Variants in STAG3 observed in about 807,000 individuals in gnomAD.
STAG3 encodes cohesin subunit SA-3.
A neutral mutation model predicts 160.7 loss-of-function variants in STAG3; 101 were observed. That is an observed-to-expected ratio of 0.63 (90% CI 0.54 to 0.74). The LOEUF (loss-of-function observed/expected upper bound fraction) is 0.74, where lower values mean the gene tolerates loss of function less well. Among genes scored for constraint, STAG3 ranks in the 30% least tolerant of loss-of-function variants. The pLI, the probability that STAG3 is intolerant of heterozygous loss-of-function variation, is 0.00. For synonymous variants in STAG3, 519 were observed against 585.0 expected (o/e 0.89, Z 1.63); for missense variants, 1,188 against 1,517.4 (o/e 0.78, Z 3.61).
rs1481125983 is a variant in STAG3, at chr7:100,195,341, G to A, written c.900G>A (p.Met300Ile). 3 of 1,614,070 alleles carry A rather than the reference G, an allele frequency of 1.9e-6. No homozygotes were observed. Among genetic ancestry groups the A allele is most frequent in the African/African-American group, 2.7e-5 (2 of 74,924 alleles). The change falls in exon 9 of 34, where the codon ATG becomes ATA. Residue 300 changes from methionine (M) to isoleucine (I), a missense_variant. Transcript: ENST00000615138. ...AGCATCAAGAGGAGATTGAGGGGAT[G>A]ATGAATGCCCTCTTCAGGGGTGTCT... ...LQEHQEEIEG[M>I]MNALFRGVFV...
intron 29 of STAG3, among the ~76,000 whole-genome samples, chr7:100,209,022 C>T (rs994324115): frequency 2.6e-5 from 4 of 152,078 alleles, no homozygotes; most frequent in Non-Finnish European, 4.4e-5. Flanking sequence ...GCGCCACCAC[C>T]GAGGAAACCA....
intron 5 of STAG3, among the ~76,000 whole-genome samples, chr7:100,187,661 G>T (rs1488758601): frequency 6.6e-6 from 1 of 152,156 alleles, no homozygotes; most frequent in African/African-American, 2.4e-5. Context: ...GGCAGTGTAG[G>T]CAAGTCGGCT....
chr7:100,213,179 G>C (rs1322840541), intron 32 of STAG3: 10 of 377,306 alleles, frequency 2.7e-5, no homozygotes, highest in Non-Finnish European at 3.3e-5. Context: ...GGCTTAGAAG[G>C]GCATTCATCC....
intron 8 of STAG3, 129 bp from the exon 9 acceptor site, chr7:100,195,180 G>A (rs1800603297): frequency 1.3e-6 from 1 of 789,988 alleles, no homozygotes; most frequent in Non-Finnish European, 2.2e-6. Context: ...AGAGAGCATA[G>A]GATTACGGGG....
intron 9 of STAG3, among the ~76,000 whole-genome samples, 188 bp downstream of exon 9, chr7:100,195,570 G>A (rs1186221760): frequency 6.6e-6 from 1 of 152,170 alleles, no homozygotes; most frequent in African/African-American, 2.4e-5. Flanking sequence ...CACCTACAAA[G>A]GATCTTGTAA....
At chr7:100,198,215 C>T in intron 12 of STAG3, 49 bp downstream of exon 12, 1 of 1,556,634 alleles carries the variant, frequency 6.4e-7, no homozygotes, top group Non-Finnish European at 8.9e-7. Flanking sequence ...TTTGCCCTTC[C>T]AGGGTCATCT....
rs896258124 is a variant in STAG3 at position 100,207,928 on chromosome 7, A to G, written c.3238+2544A>G. ...TCAGGAGATTGAGACCATCCTGGCT[A>G]ACACGGTGAAACCCCGTCTCTACTA... On this transcript the variant is annotated intron_variant, in intron 29 of 33. Coordinates refer to ENST00000615138, the MANE Select transcript of STAG3 (RefSeq NM_001282717.2). The surrounding 1 kb of genome is among the most constrained non-coding windows in gnomAD (Gnocchi z 4.0). Among the ~76,000 whole-genome samples the G allele has an allele frequency of 6.6e-6, 1 of 152,080 alleles. No homozygotes were observed. The highest frequency in any genetic ancestry group is 2.4e-5 in the African/African-American group (1 of 41,418).
rs148851665 is a variant in STAG3, at chr7:100,203,190, T to C, written c.2700+600T>C. On this transcript the variant is annotated intron_variant, in intron 25 of 33. Coordinates refer to ENST00000615138, the MANE Select transcript of STAG3 (RefSeq NM_001282717.2). ...GTGTTTATTTCTTTTCTTTTCTTTT[T>C]TTTTTTTTTTCCTGAGACAGATTCT... 5.2e-3 allele frequency among the ~76,000 whole-genome samples: 785 copies of C among 151,568 alleles called. 7 individuals are homozygous for C. Among genetic ancestry groups the C allele is most frequent in the African/African-American group, 0.016 (655 of 41,432 alleles).
Position 100,198,465 on chromosome 7 carries a change from C to T in STAG3, c.1245-10C>T. On this transcript the variant is annotated splice_polypyrimidine_tract_variant and intron_variant, in intron 12 of 33. Transcript: ENST00000615138. ...CTATTCACATACTCTTTCTGCTTTT[C>T]TGTGGGCAGGAACATGGAAGGGGTG... 1 of 1,614,022 alleles carries T rather than the reference C, an allele frequency of 6.2e-7. No individual in the cohort carries two copies. The highest frequency in any genetic ancestry group is 2.2e-5 in the East Asian group (1 of 44,884).
At chr7:100,182,573 TC>T in intron 3 of STAG3, 149 bp from the exon 4 acceptor site, 1 of 816,620 alleles carries the variant, frequency 1.2e-6, no homozygotes, top group Non-Finnish European at 2.0e-6. Context: ...AATATAAAAA[TC>T]AATTATTTCA....
intron 9 of STAG3, among the ~76,000 whole-genome samples, chr7:100,196,322 C>T (rs1306561468): frequency 6.6e-6 from 1 of 151,514 alleles, no homozygotes; most frequent in Non-Finnish European, 1.5e-5. Flanking sequence ...ACTGTGTTGC[C>T]CAGGCTGGAG....
At chr7:100,180,412 C>G in intron 1 of STAG3, 81 bp from the exon 2 acceptor site, 1 of 648,406 alleles carries the variant, frequency 1.5e-6, no homozygotes, top group Non-Finnish European at 2.8e-6. Context: ...TAGAACCATT[C>G]CCTTGGAAAG....
chr7:100,202,674 G>T (rs953402924), intron 25 of STAG3, 84 bp downstream of exon 25: 2 of 1,518,230 alleles, frequency 1.3e-6, no homozygotes, highest in African/African-American at 1.4e-5. Context: ...CACTACAGGT[G>T]GGGGATATCC....
In STAG3 at chr7:100,178,639, T is replaced by C. The variant is rs76965536; in HGVS notation, c.-65+634T>C. Among the ~76,000 whole-genome samples, 65 of 150,532 alleles carry C rather than the reference T, an allele frequency of 4.3e-4. 1 individual carries two copies. The East Asian group carries it at 0.013, about 30-fold the overall frequency. On this transcript the variant is annotated intron_variant, in intron 1 of 33. Coordinates refer to ENST00000615138, the MANE Select transcript of STAG3 (RefSeq NM_001282717.2). Reference sequence around the variant, plus strand: ...CAGGGCGTTGCTATGTGGCCCAGGCTGATCTTGAATTCCTGGACCCAAGCG... The same window carrying C: ...CAGGGCGTTGCTATGTGGCCCAGGCCGATCTTGAATTCCTGGACCCAAGCG...
chr7:100,208,324 C>T (rs1282853674), intron 29 of STAG3, among the ~76,000 whole-genome samples: 1 of 152,022 alleles, frequency 6.6e-6, no homozygotes, highest in Non-Finnish European at 1.5e-5. Flanking sequence ...ATGAAAGATA[C>T]TATGTTCAGT....
intron 33 of STAG3, 100 bp from the exon 34 acceptor site, chr7:100,213,907 T>A: frequency 6.2e-7 from 1 of 1,612,882 alleles, no homozygotes; most frequent in Admixed American, 1.7e-5. Context: ...GGTGGCCCTC[T>A]GGGCTGTCTC....
Position 100,213,812 on chromosome 7 carries a change from T to C in STAG3, c.3672+6T>C, listed in dbSNP as rs754199673. ...CTACAGAGCTGGATATTGAGGTGAG[T>C]GTCCCCAGAGCAGGAGTTATGTATC... On this transcript the variant is annotated splice_donor_region_variant and intron_variant, in intron 33 of 33. Transcript: ENST00000615138. 35 of 1,613,988 alleles carry C rather than the reference T, an allele frequency of 2.2e-5. No homozygotes were observed. The highest frequency in any genetic ancestry group is 2.5e-5 in the Non-Finnish European group (30 of 1,179,984).
intron 3 of STAG3, 56 bp from the exon 4 acceptor site, chr7:100,182,667 T>A: frequency 6.3e-7 from 1 of 1,591,856 alleles, no homozygotes; most frequent in Non-Finnish European, 8.6e-7. Flanking sequence ...AGCGTTAATG[T>A]CACTGTTACC....
At position 100,186,220 on chromosome 7, in the gene STAG3, G is replaced by A. The variant is rs532253590; in HGVS notation, c.357G>A (p.Leu119=). 3.7e-6 allele frequency: 6 copies of A among 1,614,012 alleles called. No homozygotes were observed. The East Asian group carries it at 1.3e-4, about 36-fold the overall frequency. ...SDMQSLVDEW[L]DSYKQDQDAG... ...CCTAGTCTTTGGTAGATGAGTGGCT[G>A]GATAGCTACAAGCAAGACCAGGATG... Residue 119 remains leucine, a synonymous_variant, in exon 5 of 34, where the codon CTG becomes CTA. Transcript: ENST00000615138.
Sources: gnomAD v4.1 joint callset for allele counts (sites outside exome capture counted in the v4.1 genomes callset) on GRCh38, gnomAD v4.1.1 for gene constraint, Gnocchi (gnomAD v3.1) non-coding constraint, MANE v1.5 for transcripts, NCBI Gene and HGNC (gene_info 2026-07-23, HGNC 2026-07-21) for gene names.